The following LRRC8C variants were observed in gnomAD, a reference collection of about 807,000 sequenced individuals.
LRRC8C encodes leucine rich repeat containing 8 VRAC subunit C.
Under a neutral mutation model 55.3 loss-of-function variants are expected in LRRC8C, and 20 were observed. The observed-to-expected ratio is 0.36, with a 90% confidence interval of 0.25 to 0.53. The LOEUF is 0.53. Among genes scored for constraint, LRRC8C ranks in the 20% least tolerant of loss-of-function variants. The pLI, the probability that LRRC8C is intolerant of heterozygous loss-of-function variation, is 0.92. For missense variants in LRRC8C, 659 were observed against 951.4 expected, an observed-to-expected ratio of 0.69 and a Z score of 4.04; for synonymous variants, 376 against 360.7, an observed-to-expected ratio of 1.04 and a Z score of -0.48.
At chr1:89,617,643 C>A in the LRRC8C span, among the ~76,000 whole-genome samples, 1 of 152,086 alleles carries the variant, frequency 6.6e-6, no homozygotes, top group Non-Finnish European at 1.5e-5. Context: ...CACTAACTAC[C>A]AGAATTGGCA....
At chr1:89,648,536 AACCAAAAC>A (rs1269306762) in intron 1 of LRRC8C, among the ~76,000 whole-genome samples, 1 of 152,214 alleles carries the variant, frequency 6.6e-6, no homozygotes. Context: ...AGACAGGGTG[AACCAAAAC>A]ACATGAATGA....
At chr1:89,633,634 T>TGG (rs376031627) in intron 1 of LRRC8C, among the ~76,000 whole-genome samples, 3 of 151,374 alleles carry the variant, frequency 2.0e-5, no homozygotes, top group African/African-American at 7.3e-5. Context: ...GGCGCGGGGG[T>TGG]GGGGGGGCGG....
chr1:89,683,362 A>AT (rs71084957), intron 1 of LRRC8C, among the ~76,000 whole-genome samples: 137,530 of 144,424 alleles, frequency 0.95, 65,625 homozygotes, highest in Non-Finnish European at 0.99. Flanking sequence ...AGATAGACTA[A>AT]TTTTTTTTTT....
intron 1 of LRRC8C, among the ~76,000 whole-genome samples, chr1:89,659,379 T>G (rs990726347): frequency 2.0e-5 from 3 of 152,298 alleles, no homozygotes; most frequent in South Asian, 2.1e-4. Flanking sequence ...ACAGATTACC[T>G]GGGTTGTATG....
chr1:89,676,372 C>T (rs1218475172), intron 1 of LRRC8C: 1 of 152,196 alleles, frequency 6.6e-6, no homozygotes, highest in Non-Finnish European at 1.5e-5. Context: ...TGATATTTAA[C>T]TTTGAAATTA....
In LRRC8C at chr1:89,690,809, C is replaced by T. The variant is rs549018801; in HGVS notation, c.138+4198C>T. ...TGGGCTCCCCGCTGACCAGCCTTCT[C>T]AGCACCACCACTCTTACCTCGCACA... On this transcript the variant is annotated intron_variant, in intron 2 of 2. Coordinates refer to ENST00000370454, the MANE Select transcript of LRRC8C (RefSeq NM_032270.5). 2.6e-5 allele frequency among the ~76,000 whole-genome samples: 4 copies of T among 152,292 alleles called. No homozygotes were observed. In the South Asian group the frequency reaches 8.3e-4, roughly 32 times the overall value.
At chr1:89,702,461 A>G (rs1658359201) in intron 2 of LRRC8C, among the ~76,000 whole-genome samples, 1 of 152,154 alleles carries the variant, frequency 6.6e-6, no homozygotes, top group Non-Finnish European at 1.5e-5. Context: ...GGGGCCGGGT[A>G]CCGTGGTGAA....
At chr1:89,693,315 C>A (rs920912664) in intron 2 of LRRC8C, among the ~76,000 whole-genome samples, 3 of 152,180 alleles carry the variant, frequency 2.0e-5, no homozygotes, top group African/African-American at 4.8e-5. Context: ...AAATGACCTT[C>A]AGGTGAAAAT....
Position 89,712,895 on chromosome 1 carries a change from A to G in LRRC8C, c.325A>G (p.Ser109Gly), listed in dbSNP as rs1557670430. The change falls in exon 3 of 3, where the codon AGC becomes GGC. Residue 109 changes from serine (S) to glycine (G), a missense_variant. Transcript: ENST00000370454. ...GACAGATTTGGACCTTCAGCAGTACAGCTTTATAAATCAGATGTGTTATGA... is the reference window on the plus strand; with the variant it reads ...GACAGATTTGGACCTTCAGCAGTACGGCTTTATAAATCAGATGTGTTATGA... ...LKTDLDLQQY[S>G]FINQMCYERA... The G allele has an allele frequency of 1.2e-6, 2 of 1,614,132 alleles. No individual in the cohort carries two copies. Among genetic ancestry groups the G allele is most frequent in the Non-Finnish European group, 8.5e-7 (1 of 1,180,042 alleles).
intron 2 of LRRC8C, 90 bp downstream of exon 2, chr1:89,686,701 C>G: frequency 7.0e-7 from 1 of 1,426,574 alleles, no homozygotes; most frequent in Non-Finnish European, 9.6e-7. Context: ...TGATTTTTAA[C>G]CATGTAAGTA....
At chr1:89,631,923 G>C (rs1240806540), upstream of LRRC8C, 1 of 152,216 alleles carries the variant, frequency 6.6e-6, no homozygotes, top group Non-Finnish European at 1.5e-5. Context: ...AAATAGAAAC[G>C]TGGTAAAAGG....
At chr1:89,653,038 G>A (rs943639344) in intron 1 of LRRC8C, among the ~76,000 whole-genome samples, 1 of 152,130 alleles carries the variant, frequency 6.6e-6, no homozygotes, top group Non-Finnish European at 1.5e-5. Flanking sequence ...AGAGGGTGCT[G>A]TAGGCTCATG....
intron 1 of LRRC8C, among the ~76,000 whole-genome samples, chr1:89,671,527 G>A (rs566299646): frequency 5.0e-4 from 76 of 152,298 alleles, no homozygotes; most frequent in Non-Finnish European, 9.0e-4. Context: ...AGACATGGTT[G>A]ACCCACATGT....
At chr1:89,700,387 G>C (rs1570735319) in intron 2 of LRRC8C, among the ~76,000 whole-genome samples, 1 of 152,302 alleles carries the variant, frequency 6.6e-6, no homozygotes, top group Middle Eastern at 3.4e-3. Flanking sequence ...GATTGCAAGT[G>C]CTTTTAGAAC....
intron 1 of LRRC8C, among the ~76,000 whole-genome samples, chr1:89,656,924 AT>A (rs1407914978): frequency 6.6e-6 from 1 of 152,146 alleles, no homozygotes; most frequent in Non-Finnish European, 1.5e-5. Flanking sequence ...CAATTTTCAC[AT>A]TTACTGCCGG....
chr1:89,705,939 A>G (rs1305706160), intron 2 of LRRC8C, among the ~76,000 whole-genome samples: 1 of 152,192 alleles, frequency 6.6e-6, no homozygotes, highest in Non-Finnish European at 1.5e-5. Context: ...GTGAAAACAC[A>G]CACCATAAGG....
At chr1:89,634,565 G>A (rs1656225934) in intron 1 of LRRC8C, among the ~76,000 whole-genome samples, 1 of 152,208 alleles carries the variant, frequency 6.6e-6, no homozygotes, top group Admixed American at 6.5e-5. Flanking sequence ...CGAAAAAGGA[G>A]TAAAAGTGGA....
At chr1:89,647,850 C>T (rs190802499) in intron 1 of LRRC8C, among the ~76,000 whole-genome samples, 2 of 151,954 alleles carry the variant, frequency 1.3e-5, no homozygotes, top group African/African-American at 4.8e-5. Context: ...ATCACTTGAG[C>T]GCAGGAGTTC....
At chr1:89,630,927 G>A (rs1271152013), upstream of LRRC8C, among the ~76,000 whole-genome samples, 1 of 152,174 alleles carries the variant, frequency 6.6e-6, no homozygotes, top group African/African-American at 2.4e-5. Context: ...AAGCATTAAT[G>A]TGCATGTGAA....
Sources: allele counts gnomAD v4.1 joint callset (sites outside exome capture counted in the v4.1 genomes callset), GRCh38; gene constraint gnomAD v4.1.1; transcripts MANE v1.5; gene names NCBI Gene and HGNC (gene_info 2026-07-23, HGNC 2026-07-21).